Variants in MSH4 observed in about 807,000 individuals in gnomAD.
MSH4 encodes mutS protein homolog 4.
MSH4 carries 106 observed loss-of-function variants against 113.7 expected under a neutral mutation model. The ratio of observed to expected loss-of-function variants is 0.93; its 90% confidence interval spans 0.80 to 1.10. The LOEUF (loss-of-function observed/expected upper bound fraction) is 1.10. Among genes scored for constraint, MSH4 ranks in the 50% least tolerant of loss-of-function variants. The probability of loss-of-function intolerance (pLI) is 0.00; values close to 1 mark genes in which losing one functional copy is unlikely to be tolerated. For missense variants in MSH4, 1,061 were observed against 1,093.7 expected (o/e 0.97, Z 0.42); for synonymous variants, 368 against 380.2 (o/e 0.97, Z 0.37).
chr1:75,825,666 TAGTATGAAGGG>T (rs1650530789), intron 7 of MSH4, among the ~76,000 whole-genome samples: 1 of 152,166 alleles, frequency 6.6e-6, no homozygotes, highest in Admixed American at 6.5e-5. Context: ...GACAGTTTTT[TAGTATGAAGGG>T]TGTTGAATTT....
intron 7 of MSH4, among the ~76,000 whole-genome samples, chr1:75,843,140 G>A (rs562597263): frequency 1.3e-5 from 2 of 152,276 alleles, no homozygotes; most frequent in East Asian, 1.9e-4. Flanking sequence ...CAGTGGACAC[G>A]TGACCCACGT....
At chr1:75,868,973 G>A (rs1242372404) in intron 9 of MSH4, among the ~76,000 whole-genome samples, 1 of 152,178 alleles carries the variant, frequency 6.6e-6, no homozygotes, top group Non-Finnish European at 1.5e-5. Flanking sequence ...AAAGGTACCT[G>A]AAAATATGGA....
chr1:75,837,039 ATGT>A (rs1275160707), intron 7 of MSH4, among the ~76,000 whole-genome samples: 2 of 152,142 alleles, frequency 1.3e-5, no homozygotes, highest in Non-Finnish European at 2.9e-5. Flanking sequence ...CAAAATTCAT[ATGT>A]TGAAGTCCTC....
intron 19 of MSH4, among the ~76,000 whole-genome samples, chr1:75,910,905 T>A (rs1219397645): frequency 3.3e-5 from 5 of 152,118 alleles, no homozygotes; most frequent in Admixed American, 1.3e-4. Context: ...GTTCTCTCTC[T>A]CTCTCAATCT....
At chr1:75,841,756 T>C (rs113527819) in intron 7 of MSH4, among the ~76,000 whole-genome samples, 1,718 of 151,782 alleles carry the variant, frequency 0.011, 30 homozygotes, top group African/African-American at 0.039. Flanking sequence ...GAAGGAGGAG[T>C]CTGGAAAGAG....
rs1570983295 is a variant in MSH4 at position 75,878,265 on chromosome 1, A to G, written c.1487A>G (p.Glu496Gly). The G allele has an allele frequency of 6.2e-7, 1 of 1,606,610 alleles. No homozygotes were observed. Among genetic ancestry groups the G allele is most frequent in the South Asian group, 1.1e-5 (1 of 88,690 alleles). ...KCYAVRSNIN[E>G]FLDIARRTYT... ...TATGCAGTGAGGTCTAACATAAATG[A>G]ATTTCTTGACATAGCAAGAAGAACA... Residue 496 changes from glutamate to glycine, a missense_variant, in exon 11 of 20, where the codon GAA becomes GGA. Transcript: ENST00000263187.
chr1:75,841,018 G>A (rs1650947725), intron 7 of MSH4, among the ~76,000 whole-genome samples: 1 of 152,234 alleles, frequency 6.6e-6, no homozygotes, highest in South Asian at 2.1e-4. Context: ...TCCTAGCAGT[G>A]ATATTCGAGA....
chr1:75,815,839 C>G (rs1388953531), intron 5 of MSH4, among the ~76,000 whole-genome samples: 2 of 152,044 alleles, frequency 1.3e-5, no homozygotes, highest in African/African-American at 4.8e-5. Flanking sequence ...AAAACCCCAT[C>G]TCTACCAAAA....
intron 6 of MSH4, among the ~76,000 whole-genome samples, chr1:75,821,475 C>A (rs1650406830): frequency 6.6e-6 from 1 of 151,900 alleles, no homozygotes; most frequent in South Asian, 2.1e-4. Context: ...AATTGACACC[C>A]TAACATCACA....
chr1:75,866,650 G>C (rs1651567891), intron 8 of MSH4, among the ~76,000 whole-genome samples: 1 of 151,998 alleles, frequency 6.6e-6, no homozygotes, highest in Non-Finnish European at 1.5e-5. Flanking sequence ...AACAGTCCAG[G>C]TATTGTGCAG....
Position 75,878,993 on chromosome 1 carries a change from A to T in MSH4, c.1542A>T (p.Gly514=). The change falls in exon 12 of 20, where the codon GGA becomes GGT. Residue 514 remains glycine, a splice_region_variant and synonymous_variant. Transcript: ENST00000263187. ...TYTEIVDDIA[G]MISQLGEKYS... is the part of the protein sequence containing the mutation. Reference sequence around the variant, plus strand: ...GTTTTTCTTGTTTCTGGTCACCAGGAATGATATCACAACTTGGAGAAAAAT... The same window carrying T: ...GTTTTTCTTGTTTCTGGTCACCAGGTATGATATCACAACTTGGAGAAAAAT... 2 of 1,604,530 alleles carry T rather than the reference A, an allele frequency of 1.2e-6. No homozygotes were observed. The highest frequency in any genetic ancestry group is 8.5e-7 in the Non-Finnish European group (1 of 1,174,458).
chr1:75,873,303 G>A (rs1651752287), intron 9 of MSH4, among the ~76,000 whole-genome samples: 1 of 152,100 alleles, frequency 6.6e-6, no homozygotes, highest in African/African-American at 2.4e-5. Context: ...TAATGTTTAT[G>A]CCATATATTT....
At chr1:75,845,612 G>A (rs999023484) in intron 7 of MSH4, among the ~76,000 whole-genome samples, 2 of 152,156 alleles carry the variant, frequency 1.3e-5, no homozygotes, top group African/African-American at 4.8e-5. Flanking sequence ...GCAGCGTCAG[G>A]GCTTAGTCCA....
chr1:75,855,466 T>G (rs1216376275), intron 8 of MSH4, among the ~76,000 whole-genome samples: 1 of 152,258 alleles, frequency 6.6e-6, no homozygotes, highest in Non-Finnish European at 1.5e-5. Context: ...CCATGCTCTC[T>G]CTGCGAAACC....
rs765249915 is a variant in MSH4, at chr1:75,797,120, C to G, written c.135C>G (p.Val45=). Residue 45 remains valine, a synonymous_variant, in exon 1 of 20, where the codon GTC becomes GTG. Transcript: ENST00000263187. The stretch of plus-strand genomic sequence containing the variant: ...AGACTCCACAGAGCCGCCCTTCGGT[C>G]CAGGTGGTCTCTGCATCCACCTGTC... ...LQETPQSRPS[V]QVVSASTCPG... 3 of 1,613,854 alleles carry G rather than the reference C, an allele frequency of 1.9e-6. No individual in the cohort carries two copies. The highest frequency in any genetic ancestry group is 1.3e-5 in the African/African-American group (1 of 74,938).
At chr1:75,864,058 T>C (rs1358946250) in intron 8 of MSH4, among the ~76,000 whole-genome samples, 1 of 152,198 alleles carries the variant, frequency 6.6e-6, no homozygotes, top group Non-Finnish European at 1.5e-5. Flanking sequence ...TCATTTCCTT[T>C]TCTTTGTAAT....
In MSH4 at chr1:75,851,335, A is replaced by G. The variant is rs181310681; in HGVS notation, c.1230+3059A>G. ...TTTGTTGGCTTATTAGATATAACTC[A>G]TTGCCTTCATTAGCTTAATTATTGA... is the stretch of plus-strand genomic sequence containing the variant. On this transcript the variant is annotated intron_variant, in intron 8 of 19. Coordinates refer to ENST00000263187, the MANE Select transcript of MSH4 (RefSeq NM_002440.4). Among the ~76,000 whole-genome samples, 218 of 150,982 alleles carry G rather than the reference A, an allele frequency of 1.4e-3. 1 individual carries two copies. The highest frequency in any genetic ancestry group is 5.1e-3 in the African/African-American group (210 of 41,056).
intron 17 of MSH4, among the ~76,000 whole-genome samples, chr1:75,894,447 T>C (rs1652328694): frequency 6.6e-6 from 1 of 152,216 alleles, no homozygotes; most frequent in Non-Finnish European, 1.5e-5. Flanking sequence ...GACCTGGCTA[T>C]AGCCATTACT....
At chr1:75,806,286 A>C (rs1192582210) in intron 2 of MSH4, among the ~76,000 whole-genome samples, 5 of 114,248 alleles carry the variant, frequency 4.4e-5, no homozygotes, top group East Asian at 5.2e-4. Flanking sequence ...CTCGCTCTGT[A>C]GCCCAGGCTA....
Sources: allele counts gnomAD v4.1 joint callset (sites outside exome capture counted in the v4.1 genomes callset), GRCh38; gene constraint gnomAD v4.1.1; transcripts MANE v1.5; gene names NCBI Gene and HGNC (gene_info 2026-07-23, HGNC 2026-07-21).